Variants in SLC25A48 observed in about 807,000 individuals in gnomAD.
SLC25A48 encodes the protein CTC-321K16.1.
In SLC25A48, 29 loss-of-function variants were observed where a neutral mutation model predicts 32.2. That is an observed-to-expected ratio of 0.90 (90% CI 0.67 to 1.23). The LOEUF is 1.23. SLC25A48 is among the 50% of genes most tolerant of loss of function. The probability of loss-of-function intolerance (pLI) is 0.00; values close to 1 mark genes in which losing one functional copy is unlikely to be tolerated. For synonymous variants in SLC25A48, 164 were observed against 172.3 expected (o/e 0.95, Z 0.38); for missense variants, 399 against 422.7 (o/e 0.94, Z 0.49).
chr5:135,643,500 C>T (rs1413113908), intron 3 of SLC25A48, among the ~76,000 whole-genome samples: 1 of 152,202 alleles, frequency 6.6e-6, no homozygotes, highest in Non-Finnish European at 1.5e-5. Flanking sequence ...CATCTCCCAT[C>T]TAGCCTGTCT....
intron 3 of SLC25A48, among the ~76,000 whole-genome samples, chr5:135,673,334 T>C (rs1376533845): frequency 6.6e-6 from 1 of 152,220 alleles, no homozygotes; most frequent in Non-Finnish European, 1.5e-5. Flanking sequence ...TATGCCTTAT[T>C]GTATTCTCTC....
chr5:135,586,991 G>A (rs1351391643), intron 1 of SLC25A48, among the ~76,000 whole-genome samples: 1 of 152,154 alleles, frequency 6.6e-6, no homozygotes, highest in Non-Finnish European at 1.5e-5. Context: ...CTTGGTTCAG[G>A]GAAGTTCTTG....
At chr5:135,622,616 A>G (rs1752350086) in intron 1 of SLC25A48, among the ~76,000 whole-genome samples, 1 of 152,234 alleles carries the variant, frequency 6.6e-6, no homozygotes, top group Non-Finnish European at 1.5e-5. Context: ...AAAAATAATC[A>G]GAGACATAGA....
rs145989869 is a variant in SLC25A48, at chr5:135,620,323, A to T, written c.-848-8914A>T. 3.3e-5 allele frequency among the ~76,000 whole-genome samples: 5 copies of T among 152,172 alleles called. No homozygotes were observed. In the East Asian group the frequency reaches 9.7e-4, roughly 29 times the overall value. On this transcript the variant is annotated intron_variant, in intron 1 of 10. Transcript: ENST00000646290. Reference sequence around the variant, plus strand: ...GATGGTATGCTTGGGTGTCATGGGGATGGAGCTGAGCTGGGCAGACCTTCC... The same window carrying T: ...GATGGTATGCTTGGGTGTCATGGGGTTGGAGCTGAGCTGGGCAGACCTTCC...
At chr5:135,783,448 CATG>C (rs1315763955) in intron 3 of SLC25A48, among the ~76,000 whole-genome samples, 4 of 114,824 alleles carry the variant, frequency 3.5e-5, no homozygotes, top group Admixed American at 1.8e-4. Flanking sequence ...GGGAAAAGAG[CATG>C]ATATTATTCG....
Position 135,852,598 on chromosome 5 carries a change from C to A in SLC25A48, c.198C>A (p.Leu66=). 1.2e-6 allele frequency: 2 copies of A among 1,603,516 alleles called. No homozygotes were observed. The highest frequency in any genetic ancestry group is 1.7e-6 in the Non-Finnish European group (2 of 1,170,992). ...TCTTCAAGGGCATGTCCTTCCCCCT[C>A]GCCAGCATTGCCGTCTACAACTCCG... ...FGFFKGMSFP[L]ASIAVYNSVV... Residue 66 remains leucine, a synonymous_variant, in exon 4 of 8, where the codon CTC becomes CTA. Coordinates refer to ENST00000681962, the MANE Select transcript of SLC25A48 (RefSeq NM_001349336.2).
At chr5:135,620,012 T>C (rs890521485) in intron 1 of SLC25A48, among the ~76,000 whole-genome samples, 1 of 152,084 alleles carries the variant, frequency 6.6e-6, no homozygotes, top group African/African-American at 2.4e-5. Context: ...GCAACAGAAG[T>C]AGGTTGGGCA....
At chr5:135,876,565 G>C (rs1163420619) in intron 6 of SLC25A48, among the ~76,000 whole-genome samples, 1 of 152,076 alleles carries the variant, frequency 6.6e-6, no homozygotes, top group Non-Finnish European at 1.5e-5. Flanking sequence ...AACATAGGAA[G>C]CTTCCAAAAC....
intron 1 of SLC25A48, among the ~76,000 whole-genome samples, chr5:135,587,506 A>G (rs1411471374): frequency 6.6e-6 from 1 of 152,170 alleles, no homozygotes; most frequent in East Asian, 1.9e-4. Flanking sequence ...CTAGCACAGC[A>G]GAAGGGAGGA....
chr5:135,659,330 T>C (rs1283251702), intron 3 of SLC25A48, among the ~76,000 whole-genome samples: 1 of 152,052 alleles, frequency 6.6e-6, no homozygotes, highest in East Asian at 1.9e-4. Context: ...CCAATCTCTT[T>C]GCTAAAGCAT....
chr5:135,685,458 CT>C (rs1352035187), intron 3 of SLC25A48, among the ~76,000 whole-genome samples: 1 of 125,282 alleles, frequency 8.0e-6, no homozygotes, highest in Non-Finnish European at 1.6e-5. Context: ...TTGAGACAGA[CT>C]TTTGCTCTTG....
intron 4 of SLC25A48, among the ~76,000 whole-genome samples, chr5:135,867,659 T>A (rs1761310564): frequency 6.6e-6 from 1 of 152,210 alleles, no homozygotes; most frequent in Non-Finnish European, 1.5e-5. Flanking sequence ...CTCCTACTCT[T>A]GCTGTTGAAT....
At chr5:135,884,850 T>A (rs981066009) in intron 7 of SLC25A48, among the ~76,000 whole-genome samples, 2 of 151,598 alleles carry the variant, frequency 1.3e-5, no homozygotes, top group South Asian at 4.2e-4. Flanking sequence ...GAGGCTGAGA[T>A]GCAACAACCA....
chr5:135,630,776 A>G (rs1229571865), intron 2 of SLC25A48, among the ~76,000 whole-genome samples: 1 of 151,488 alleles, frequency 6.6e-6, no homozygotes, highest in Non-Finnish European at 1.5e-5. Flanking sequence ...TAATTTTTGT[A>G]TTATTAGCAG....
At chr5:135,775,259 C>T (rs567139688) in intron 3 of SLC25A48, among the ~76,000 whole-genome samples, 1 of 151,776 alleles carries the variant, frequency 6.6e-6, no homozygotes, top group South Asian at 2.1e-4. Context: ...CTCCCAATAT[C>T]GCAGGGAGTG....
chr5:135,804,431 G>A (rs1757415826), intron 3 of SLC25A48, among the ~76,000 whole-genome samples: 1 of 151,584 alleles, frequency 6.6e-6, no homozygotes, highest in Non-Finnish European at 1.5e-5. Flanking sequence ...ATCTCGCTGT[G>A]TGTGTGTGTA....
At chr5:135,646,240 C>T (rs767412754) in intron 3 of SLC25A48, among the ~76,000 whole-genome samples, 71 of 141,404 alleles carry the variant, frequency 5.0e-4, no homozygotes, top group Admixed American at 1.7e-3. Flanking sequence ...ACGCTGCACA[C>T]GGAGGAAGAG....
At chr5:135,669,217 C>A (rs1221102244) in intron 3 of SLC25A48, among the ~76,000 whole-genome samples, 1 of 152,144 alleles carries the variant, frequency 6.6e-6, no homozygotes, top group African/African-American at 2.4e-5. Flanking sequence ...TAAATCCAGA[C>A]CTGTCTTCTC....
At chr5:135,757,560 CTA>C (rs1187306136) in intron 3 of SLC25A48, among the ~76,000 whole-genome samples, 2 of 148,616 alleles carry the variant, frequency 1.3e-5, no homozygotes, top group East Asian at 2.1e-4. Flanking sequence ...TTTATAATGT[CTA>C]GTGTTAACAC....
Sources: gnomAD v4.1 joint callset for allele counts (sites outside exome capture counted in the v4.1 genomes callset) on GRCh38, gnomAD v4.1.1 for gene constraint, MANE v1.5 for transcripts, NCBI Gene and HGNC (gene_info 2026-07-23, HGNC 2026-07-21) for gene names.